Variants in PRDM15 observed in about 807,000 individuals in gnomAD.
PRDM15 encodes PR/SET domain 15.
In PRDM15, 64 loss-of-function variants were observed where a neutral mutation model predicts 128.6. That is an observed-to-expected ratio of 0.50 (90% CI 0.41 to 0.61). The LOEUF (loss-of-function observed/expected upper bound fraction) is 0.61, where lower values mean the gene tolerates loss of function less well. PRDM15 is among the 20% of genes least tolerant of loss of function. The pLI is 0.00. For missense variants in PRDM15, 1,242 were observed against 1,569.1 expected, an observed-to-expected ratio of 0.79 and a Z score of 3.52; for synonymous variants, 615 against 621.8, an observed-to-expected ratio of 0.99 and a Z score of 0.16.
At chr21:41,806,686 T>C (rs1242333525) in intron 21 of PRDM15, among the ~76,000 whole-genome samples, 1 of 24,232 alleles carries the variant, frequency 4.1e-5, no homozygotes, top group Non-Finnish European at 7.5e-5. Flanking sequence ...ACCACCACCA[T>C]CACCACCACC....
chr21:41,826,460 G>A (rs2062475641), intron 12 of PRDM15, among the ~76,000 whole-genome samples: 1 of 152,156 alleles, frequency 6.6e-6, no homozygotes, highest in Non-Finnish European at 1.5e-5. Flanking sequence ...GAAATAGGCA[G>A]GCATTTTTTA....
intron 18 of PRDM15, 92 bp downstream of exon 18, chr21:41,819,489 CA>C: frequency 2.4e-5 from 32 of 1,335,720 alleles, no homozygotes; most frequent in South Asian, 6.8e-5. Context: ...CCACCTTCCC[CA>C]CACTCCCAGT....
intron 11 of PRDM15, chr21:41,834,488 G>A (rs1237455085): frequency 1.9e-6 from 3 of 1,548,624 alleles, no homozygotes; most frequent in East Asian, 2.4e-5. Context: ...AGGACGGGGT[G>A]GGCGTCGAAG....
chr21:41,841,594 A>G (rs2063075585), intron 6 of PRDM15, among the ~76,000 whole-genome samples: 2 of 152,232 alleles, frequency 1.3e-5, no homozygotes. Context: ...ATTAGCAAAC[A>G]TCATTCTAGA....
intron 13 of PRDM15, among the ~76,000 whole-genome samples, chr21:41,825,275 C>T (rs1206706779): frequency 6.6e-6 from 1 of 152,284 alleles, no homozygotes; most frequent in East Asian, 1.9e-4. Context: ...AGCCTGACAG[C>T]TGTGAGGACC....
At position 41,832,783 on chromosome 21, in the gene PRDM15, G is replaced by A. The variant is rs888809110; in HGVS notation, c.1366+2654C>T. Among the ~76,000 whole-genome samples the A allele has an allele frequency of 2.0e-5, 3 of 152,146 alleles. No individual in the cohort carries two copies. The highest frequency in any genetic ancestry group is 6.5e-5 in the Admixed American group (1 of 15,276). ...GTGGCTCCACTAGTCCTGCCGCCCC[G>A]TGGAAGGCAATGGTGCTGCCAAGAG... is the stretch of plus-strand genomic sequence containing the variant. On this transcript the variant is annotated intron_variant, in intron 11 of 23. Coordinates refer to ENST00000398548, the MANE Select transcript of PRDM15 (RefSeq NM_001040424.3). This position sits in a 1 kb window ranked among gnomAD's most constrained non-coding sequence, Gnocchi z 4.2.
rs1175192881 is a variant in PRDM15 at position 41,801,287 on chromosome 21, G to T, written c.3379C>A (p.Pro1127Thr). ...TGCTGCTGCTCCGCCTGCACCTGGG[G>T]CTGGGCCGCCTGCTGTGGGGGTGCC... is the stretch of plus-strand genomic sequence containing the variant. ...PQAPPQQAAQPQVQAEQQQQQ... is the reference protein window; with the variant it reads ...PQAPPQQAAQTQVQAEQQQQQ... Residue 1127 changes from proline (P) to threonine (T), a missense_variant, in exon 24 of 24, where the codon CCC becomes ACC. Physicochemically the swap from Pro to Thr is conservative, Grantham distance 38. Transcript: ENST00000398548. 1.3e-6 allele frequency: 2 copies of T among 1,555,782 alleles called. No homozygotes were observed. The highest frequency in any genetic ancestry group is 1.7e-6 in the Non-Finnish European group (2 of 1,149,820).
intron 1 of PRDM15, among the ~76,000 whole-genome samples, chr21:41,878,519 G>C (rs1204753431): frequency 1.3e-5 from 2 of 152,086 alleles, no homozygotes; most frequent in African/African-American, 4.8e-5. Flanking sequence ...CGTGGCCCCC[G>C]TCCCCACCTG....
intron 22 of PRDM15, among the ~76,000 whole-genome samples, chr21:41,804,031 C>G (rs1474144107): frequency 6.8e-6 from 1 of 146,484 alleles, no homozygotes; most frequent in Non-Finnish European, 1.5e-5. Context: ...GTGGCACAAT[C>G]TCGGCTCATT....
At position 41,835,504 on chromosome 21, in the gene PRDM15, G is replaced by A; in HGVS notation, c.1299C>T (p.Tyr433=). 6.2e-7 allele frequency: 1 copy of A among 1,609,774 alleles called. No individual in the cohort carries two copies. Among genetic ancestry groups the A allele is most frequent in the South Asian group, 1.1e-5 (1 of 91,070 alleles). The part of the protein sequence containing the change: ...SRNEVDGEYR[Y]RCGTCEKTFR... ...AGGTCTTCTCACAAGTGCCGCAGCG[G>A]TACCTGTACTCGCCGTCCACCTGGT... is the stretch of plus-strand genomic sequence containing the variant. The change falls in exon 11 of 24, where the codon TAC becomes TAT. Residue 433 remains tyrosine, a synonymous_variant. Coordinates refer to ENST00000398548, the MANE Select transcript of PRDM15 (RefSeq NM_001040424.3).
intron 18 of PRDM15, 108 bp downstream of exon 18, chr21:41,819,474 C>CCCCCCCCCCAG: frequency 1.2e-6 from 1 of 831,088 alleles, no homozygotes; most frequent in Non-Finnish European, 1.8e-6. Flanking sequence ...CCGCCCCCGC[C>CCCCCCCCCCAG]ACACCCACCT....
At chr21:41,823,203 A>T (rs2146414941) in intron 14 of PRDM15, 115 bp downstream of exon 14, 1 of 1,328,764 alleles carries the variant, frequency 7.5e-7, no homozygotes, top group Non-Finnish European at 1.0e-6. Flanking sequence ...TGAGCAGCAC[A>T]TGTCTGCCCA....
rs531361708 is a variant in PRDM15 at position 41,832,866 on chromosome 21, C to T, written c.1366+2571G>A. Among the ~76,000 whole-genome samples the T allele has an allele frequency of 4.2e-4, 64 of 152,316 alleles. 1 individual carries two copies. Among genetic ancestry groups the T allele is most frequent in the South Asian group, 3.3e-3 (16 of 4,826 alleles). ...CCATGGAAAGAGAACCTACTTCAGG[C>T]CACTCCCCAGCTGTCCCGGACAACT... On this transcript the variant is annotated intron_variant, in intron 11 of 23. Transcript: ENST00000398548. This position sits in a 1 kb window ranked among gnomAD's most constrained non-coding sequence, Gnocchi z 4.2.
chr21:41,847,674 G>A (rs945270155), intron 5 of PRDM15, among the ~76,000 whole-genome samples: 1 of 152,214 alleles, frequency 6.6e-6, no homozygotes, highest in Non-Finnish European at 1.5e-5. Context: ...AGAGCTTTCT[G>A]TGGATGACTG....
intron 1 of PRDM15, among the ~76,000 whole-genome samples, chr21:41,876,406 C>T (rs2064416622): frequency 6.6e-6 from 1 of 152,122 alleles, no homozygotes; most frequent in Non-Finnish European, 1.5e-5. Context: ...CAGCAGAGTC[C>T]CCCAATGCCA....
At chr21:41,829,143 CCA>C (rs1259239854) in intron 11 of PRDM15, among the ~76,000 whole-genome samples, 1 of 149,688 alleles carries the variant, frequency 6.7e-6, no homozygotes. Context: ...CACACATGCC[CCA>C]CACAAATACA....
rs751662230 is a variant in PRDM15 at position 41,839,694 on chromosome 21, C to T, written c.800G>A (p.Arg267Gln). ...GGACACTTTGGGTTTTCTCCCCCTT[C>T]GAGGCTTTTTCTTCTGTTCTTTGGT... ...VATKEQKKKP[R>Q]RGRKPKVSKA... Residue 267 changes from arginine to glutamine, a missense_variant, in exon 7 of 24, where the codon CGA (arginine) becomes CAA (glutamine). Physicochemically the swap from Arg to Gln is conservative, Grantham distance 43. This residue lies in a region of PRDM15 where 612 missense variants were observed against 717.0 expected (regional missense o/e 0.85). Coordinates refer to ENST00000398548, the MANE Select transcript of PRDM15 (RefSeq NM_001040424.3). 8.7e-6 allele frequency: 14 copies of T among 1,614,138 alleles called. No homozygotes were observed. In the Admixed American group the frequency reaches 1.8e-4, roughly 21 times the overall value.
intron 6 of PRDM15, among the ~76,000 whole-genome samples, chr21:41,843,835 G>A (rs777148163): frequency 9.9e-5 from 15 of 151,894 alleles, no homozygotes; most frequent in Non-Finnish European, 2.1e-4. Flanking sequence ...TGTAGTTCCA[G>A]CTACTTGGGA....
Position 41,869,439 on chromosome 21 carries a change from A to AT in PRDM15, c.-9-9068dup, listed in dbSNP as rs575371462. Among the ~76,000 whole-genome samples, 813 of 125,434 alleles carry AT rather than the reference A, an allele frequency of 6.5e-3. 5 individuals carry two copies. Among genetic ancestry groups the AT allele is most frequent in the African/African-American group, 0.011 (366 of 33,350 alleles). 82.3% of individuals were successfully genotyped at this position (125,434 alleles called of 152,430 possible). A position where few individuals can be genotyped will look rare whatever the true frequency, so the allele number is the denominator to read the frequency against. ...AGACTACAGGCACACATCACCGGCT[A>AT]TTTTTTTTTTTTTTTTTTTGAGACA... On this transcript the variant is annotated intron_variant, in intron 1 of 23. Transcript: ENST00000398548.
Sources: gnomAD v4.1 joint callset for allele counts (sites outside exome capture counted in the v4.1 genomes callset) on GRCh38, gnomAD v4.1.1 for gene constraint, gnomAD v4.1.1 regional missense constraint, Gnocchi (gnomAD v3.1) non-coding constraint, MANE v1.5 for transcripts, NCBI Gene and HGNC (gene_info 2026-07-23, HGNC 2026-07-21) for gene names.